The following MGAT5 variants were observed in gnomAD, a reference collection of about 807,000 sequenced individuals.
MGAT5 encodes alpha-1,6-mannosylglycoprotein 6-beta-N-acetylglucosaminyltransferase, also known as alpha-1,6-mannosylglycoprotein 6-beta-N-acetylglucosaminyltransferase A.
In MGAT5, 30 loss-of-function variants were observed where a neutral mutation model predicts 94.3. That is an observed-to-expected ratio of 0.32 (90% CI 0.24 to 0.43). The LOEUF (loss-of-function observed/expected upper bound fraction) is 0.43, where lower values mean the gene tolerates loss of function less well. Among genes scored for constraint, MGAT5 ranks in the 20% least tolerant of loss-of-function variants. MGAT5 has a pLI of 1.00. For synonymous variants in MGAT5, 310 were observed against 322.9 expected (o/e 0.96, Z 0.43); for missense variants, 691 against 905.5 (o/e 0.76, Z 3.04).
intron 1 of MGAT5, among the ~76,000 whole-genome samples, chr2:134,183,062 T>G (rs1363231674): frequency 2.0e-5 from 3 of 152,176 alleles, no homozygotes; most frequent in Non-Finnish European, 4.4e-5. Flanking sequence ...AGTGCTGGGA[T>G]TACAGGCGTG....
intron 1 of MGAT5, among the ~76,000 whole-genome samples, chr2:134,233,489 T>A (rs747291598): frequency 2.0e-5 from 3 of 152,216 alleles, no homozygotes; most frequent in Non-Finnish European, 2.9e-5. Flanking sequence ...GCATTTTTTT[T>A]ATGTGTTTCA....
chr2:134,221,970 G>A (rs571611560), intron 1 of MGAT5, among the ~76,000 whole-genome samples: 1 of 152,266 alleles, frequency 6.6e-6, no homozygotes. Flanking sequence ...TCCTGGAGTT[G>A]TCTGATCTGG....
chr2:134,273,810 T>C (rs533684642), intron 2 of MGAT5, among the ~76,000 whole-genome samples: 1 of 152,264 alleles, frequency 6.6e-6, no homozygotes, highest in Non-Finnish European at 1.5e-5. Flanking sequence ...AGAAATCAGA[T>C]TGAACTGGAT....
chr2:134,401,091 CT>C (rs111777946), intron 10 of MGAT5, among the ~76,000 whole-genome samples: 2 of 150,972 alleles, frequency 1.3e-5, no homozygotes, highest in East Asian at 1.9e-4. Context: ...TTCTACTCCT[CT>C]TTTTTTTTCT....
intron 2 of MGAT5, among the ~76,000 whole-genome samples, chr2:134,296,639 C>A (rs1176258222): frequency 1.3e-5 from 2 of 152,024 alleles, no homozygotes; most frequent in African/African-American, 4.8e-5. Flanking sequence ...ATACAACTGA[C>A]CTTGTTTCTG....
At chr2:134,432,966 A>T (rs545823623) in intron 14 of MGAT5, among the ~76,000 whole-genome samples, 1 of 152,184 alleles carries the variant, frequency 6.6e-6, no homozygotes, top group African/African-American at 2.4e-5. Flanking sequence ...TTCACTGCAT[A>T]TAAGGACACA....
chr2:134,171,139 G>A (rs1439826181), intron 1 of MGAT5, among the ~76,000 whole-genome samples: 1 of 152,146 alleles, frequency 6.6e-6, no homozygotes, highest in East Asian at 1.9e-4. Context: ...GGGATTCCAT[G>A]CATGAGCCAC....
chr2:134,344,888 AT>A, intron 7 of MGAT5, 41 bp from the exon 8 acceptor site: 1 of 1,601,536 alleles, frequency 6.2e-7, no homozygotes, highest in Non-Finnish European at 8.5e-7. Context: ...TAAGTAAATG[AT>A]TTTTCTCTTT....
chr2:134,274,126 T>C (rs1684198581), intron 2 of MGAT5, among the ~76,000 whole-genome samples: 2 of 152,358 alleles, frequency 1.3e-5, no homozygotes, highest in South Asian at 4.1e-4. Context: ...AGTATACATA[T>C]CTGATCATGA....
At chr2:134,366,306 G>A (rs1680426986) in intron 10 of MGAT5, among the ~76,000 whole-genome samples, 1 of 152,190 alleles carries the variant, frequency 6.6e-6, no homozygotes, top group East Asian at 1.9e-4. Context: ...TGAAATATGG[G>A]AATTGAAGTG....
intron 1 of MGAT5, among the ~76,000 whole-genome samples, chr2:134,214,328 C>G (rs1419482748): frequency 2.0e-5 from 3 of 151,988 alleles, no homozygotes; most frequent in African/African-American, 4.8e-5. Context: ...TGCTTTTACC[C>G]AAGTCAGCAG....
chr2:134,207,454 G>A (rs1327011463), intron 1 of MGAT5, among the ~76,000 whole-genome samples: 2 of 152,026 alleles, frequency 1.3e-5, no homozygotes, highest in African/African-American at 2.4e-5. Context: ...GTCATTCAGC[G>A]GTTACCATGC....
chr2:134,335,825 C>T (rs1048039985), intron 4 of MGAT5, among the ~76,000 whole-genome samples: 1 of 152,144 alleles, frequency 6.6e-6, no homozygotes, highest in African/African-American at 2.4e-5. Flanking sequence ...AGGATCTTTC[C>T]TGTCCATTTG....
intron 10 of MGAT5, among the ~76,000 whole-genome samples, chr2:134,395,158 A>G (rs1682635456): frequency 6.6e-6 from 1 of 152,242 alleles, no homozygotes; most frequent in Non-Finnish European, 1.5e-5. Flanking sequence ...AGATGAAGGA[A>G]CATCATTATC....
In MGAT5 at chr2:134,451,023, C is replaced by T. The variant is rs999635716; in HGVS notation, c.*2176C>T. On this transcript the variant is annotated 3_prime_UTR_variant, in exon 16 of 16. Transcript: ENST00000281923. ...AGTGCCGCCCTCTCCTGGGCTCTTCCAGGAGCATTGAACACTGAGGATGTC... is the reference window on the plus strand; with the variant it reads ...AGTGCCGCCCTCTCCTGGGCTCTTCTAGGAGCATTGAACACTGAGGATGTC... 3.3e-5 allele frequency: 5 copies of T among 152,026 alleles called. No homozygotes were observed. Among genetic ancestry groups the T allele is most frequent in the African/African-American group, 1.2e-4 (5 of 41,370 alleles). 9.4% of individuals were successfully genotyped at this position (152,026 alleles called of 1,614,324 possible). A position where few individuals can be genotyped will look rare whatever the true frequency, so the allele number is the denominator to read the frequency against.
intron 12 of MGAT5, among the ~76,000 whole-genome samples, chr2:134,421,591 A>T (rs936302315): frequency 2.7e-4 from 41 of 152,268 alleles, no homozygotes; most frequent in African/African-American, 7.5e-4. Context: ...TTCAAAAAAA[A>T]AAAATAAAAA....
chr2:134,433,958 G>A (rs145166407), intron 14 of MGAT5, among the ~76,000 whole-genome samples: 111 of 152,042 alleles, frequency 7.3e-4, no homozygotes, highest in African/African-American at 2.6e-3. Flanking sequence ...CACTTGCACC[G>A]AACTCTCATG....
chr2:134,347,655 A>G (rs997067151), intron 8 of MGAT5, among the ~76,000 whole-genome samples: 1 of 152,182 alleles, frequency 6.6e-6, no homozygotes, highest in Admixed American at 6.5e-5. Context: ...AGTAATCTAG[A>G]GATGATTTAA....
In MGAT5 at chr2:134,403,214, G is replaced by A. The variant is rs547911517; in HGVS notation, c.1530+77G>A. ...AATGGGATCAGAATATTTCATGCTT[G>A]TTTTTCAATGCTGCAATAAACTCTT... On this transcript the variant is annotated intron_variant, in intron 11 of 15. Transcript: ENST00000281923. The A allele has an allele frequency of 2.8e-5, 40 of 1,419,596 alleles. No individual in the cohort carries two copies. In the East Asian group the frequency reaches 9.9e-4, roughly 35 times the overall value. 87.9% of individuals were successfully genotyped at this position (1,419,596 alleles called of 1,614,324 possible).
Sources: gnomAD v4.1 joint callset for allele counts (sites outside exome capture counted in the v4.1 genomes callset) on GRCh38, gnomAD v4.1.1 for gene constraint, MANE v1.5 for transcripts, NCBI Gene and HGNC (gene_info 2026-07-23, HGNC 2026-07-21) for gene names.